The following GNG12 variants were observed in gnomAD, a reference collection of about 807,000 sequenced individuals.
The protein encoded by GNG12 is guanine nucleotide-binding protein G(I)/G(S)/G(O) subunit gamma-12.
For missense variants in GNG12, 69 were observed against 83.8 expected (o/e 0.82, Z 0.69); for synonymous variants, 28 against 29.7 (o/e 0.94, Z 0.19).
intron 1 of GNG12, among the ~76,000 whole-genome samples, chr1:67,796,290 C>A (rs916549225): frequency 6.6e-6 from 1 of 152,182 alleles, no homozygotes; most frequent in Non-Finnish European, 1.5e-5. Flanking sequence ...TCACATTGCA[C>A]ATTCAGATAA....
At chr1:67,755,410 G>GT (rs1337758439) in intron 2 of GNG12, among the ~76,000 whole-genome samples, 1 of 152,100 alleles carries the variant, frequency 6.6e-6, no homozygotes, top group Non-Finnish European at 1.5e-5. Context: ...CTTGTTTCTT[G>GT]TTTTAGACTG....
chr1:67,814,859 T>C (rs1557625976), intron 1 of GNG12, among the ~76,000 whole-genome samples: 2 of 152,260 alleles, frequency 1.3e-5, no homozygotes, highest in Non-Finnish European at 2.9e-5. Context: ...TCTTGAGTTG[T>C]ACTGTCTTCT....
Position 67,705,506 on chromosome 1 carries a change from C to T in GNG12, c.164G>A (p.Gly55Glu). ...GAAAGGGTTTTCTGAAGTTGGTATTCCTATCAGCAAAGGGTCACTCCTGGC... is the reference window on the plus strand; with the variant it reads ...GAAAGGGTTTTCTGAAGTTGGTATTTCTATCAGCAAAGGGTCACTCCTGGC... ...EHARSDPLLI[G>E]IPTSENPFKD... The change falls in exon 4 of 4, where the codon GGA becomes GAA. Residue 55 changes from glycine to glutamate, a missense_variant. Gly to Glu is a moderately conservative substitution (Grantham distance 98). Transcript: ENST00000370982. 6.2e-7 allele frequency: 1 copy of T among 1,614,102 alleles called. No homozygotes were observed. Among genetic ancestry groups the T allele is most frequent in the African/African-American group, 1.3e-5 (1 of 75,036 alleles).
chr1:67,817,357 C>A (rs1646958731), intron 1 of GNG12, among the ~76,000 whole-genome samples: 1 of 152,224 alleles, frequency 6.6e-6, no homozygotes, highest in South Asian at 2.1e-4. Context: ...GTAAGTACTG[C>A]TTTCCCCATT....
At chr1:67,804,627 A>G (rs1249834626) in intron 1 of GNG12, among the ~76,000 whole-genome samples, 1 of 152,166 alleles carries the variant, frequency 6.6e-6, no homozygotes, top group Non-Finnish European at 1.5e-5. Context: ...AGAGAAGTAA[A>G]GTGACAGGGC....
At chr1:67,777,785 G>C (rs1646714889) in intron 1 of GNG12, among the ~76,000 whole-genome samples, 1 of 152,146 alleles carries the variant, frequency 6.6e-6, no homozygotes, top group Non-Finnish European at 1.5e-5. Flanking sequence ...CTCCAAGTCA[G>C]GGGAAGCCTC....
At chr1:67,707,937 G>T (rs1009058760) in intron 2 of GNG12, among the ~76,000 whole-genome samples, 15 of 152,168 alleles carry the variant, frequency 9.9e-5, no homozygotes, top group African/African-American at 3.4e-4. Flanking sequence ...CAGAAACCCA[G>T]CACTAGCAGT....
At chr1:67,741,981 T>TGGCTGA (rs1226294327) in intron 2 of GNG12, among the ~76,000 whole-genome samples, 2 of 152,190 alleles carry the variant, frequency 1.3e-5, no homozygotes, top group Non-Finnish European at 2.9e-5. Flanking sequence ...GGCCCACAGG[T>TGGCTGA]GGCTGAGGCT....
chr1:67,709,708 C>T (rs1336015771), intron 2 of GNG12, among the ~76,000 whole-genome samples: 1 of 149,190 alleles, frequency 6.7e-6, no homozygotes, highest in Non-Finnish European at 1.5e-5. Flanking sequence ...CCTTTCTGTG[C>T]TCCCAGACCA....
At chr1:67,731,016 G>A (rs575866729) in intron 2 of GNG12, among the ~76,000 whole-genome samples, 5 of 152,118 alleles carry the variant, frequency 3.3e-5, no homozygotes, top group South Asian at 2.1e-4. Flanking sequence ...AAGGGGCCCC[G>A]CAAACCAAAA....
intron 1 of GNG12, among the ~76,000 whole-genome samples, chr1:67,800,146 T>G (rs1388630360): frequency 3.3e-5 from 5 of 152,198 alleles, no homozygotes. Context: ...CTTTAACCCA[T>G]GCAGAGTTTT....
chr1:67,801,798 T>C (rs184198717), intron 1 of GNG12, among the ~76,000 whole-genome samples: 545 of 152,284 alleles, frequency 3.6e-3, no homozygotes, highest in Non-Finnish European at 4.7e-3. Context: ...CAGAATGGGA[T>C]GATAATAATC....
intron 1 of GNG12, among the ~76,000 whole-genome samples, chr1:67,779,323 G>A (rs944173635): frequency 1.3e-5 from 2 of 152,164 alleles, no homozygotes; most frequent in African/African-American, 2.4e-5. Flanking sequence ...GCTGGTCAGT[G>A]ACACCGTAGG....
chr1:67,801,609 C>T (rs1439747479), intron 1 of GNG12, among the ~76,000 whole-genome samples: 4 of 152,084 alleles, frequency 2.6e-5, no homozygotes, highest in African/African-American at 9.7e-5. Flanking sequence ...CCTGGGATGG[C>T]TTGGAGTGGA....
At chr1:67,796,290 C>G (rs916549225) in intron 1 of GNG12, among the ~76,000 whole-genome samples, 2 of 152,182 alleles carry the variant, frequency 1.3e-5, no homozygotes, top group African/African-American at 4.8e-5. Context: ...TCACATTGCA[C>G]ATTCAGATAA....
At chr1:67,768,924 G>A (rs1198740297) in intron 2 of GNG12, among the ~76,000 whole-genome samples, 1 of 152,186 alleles carries the variant, frequency 6.6e-6, no homozygotes, top group South Asian at 2.1e-4. Flanking sequence ...AACAGTCCCA[G>A]GGGAGTTGAG....
intron 2 of GNG12, among the ~76,000 whole-genome samples, chr1:67,776,469 G>T (rs1305565044): frequency 6.6e-6 from 1 of 152,168 alleles, no homozygotes; most frequent in Non-Finnish European, 1.5e-5. Context: ...CAATCAGAAT[G>T]TACTGGAAAC....
chr1:67,706,073 C>A (rs998672315), intron 3 of GNG12, among the ~76,000 whole-genome samples: 1 of 152,114 alleles, frequency 6.6e-6, no homozygotes, highest in African/African-American at 2.4e-5. Context: ...TGTGTACAGA[C>A]AGAAGGAGGG....
rs1180703904 is a variant in GNG12, at chr1:67,703,202, T to C, written c.*2249A>G. On this transcript the variant is annotated 3_prime_UTR_variant, in exon 4 of 4. Coordinates refer to ENST00000370982, the MANE Select transcript of GNG12 (RefSeq NM_018841.6). ...TATGTATTTATACTCATAGCCTTTATTGTATCTGACCAGGGTGAATAAAAT... is the reference window on the plus strand; with the variant it reads ...TATGTATTTATACTCATAGCCTTTACTGTATCTGACCAGGGTGAATAAAAT... 1 of 152,186 alleles carries C rather than the reference T, an allele frequency of 6.6e-6. No individual in the cohort carries two copies. Among genetic ancestry groups the C allele is most frequent in the African/African-American group, 2.4e-5 (1 of 41,452 alleles). The allele number at this position is 152,186 out of a possible 1,614,324, so 9.4% of individuals were successfully genotyped here.
Sources: gnomAD v4.1 joint callset for allele counts (sites outside exome capture counted in the v4.1 genomes callset) on GRCh38, gnomAD v4.1.1 for gene constraint, MANE v1.5 for transcripts, NCBI Gene and HGNC (gene_info 2026-07-23, HGNC 2026-07-21) for gene names.